Variants in SPECC1L observed in about 807,000 individuals in gnomAD.
SPECC1L encodes cytospin-A.
In SPECC1L, 40 loss-of-function variants were observed where a neutral mutation model predicts 116.8. The ratio of observed to expected loss-of-function variants is 0.34; its 90% CI spans 0.27 to 0.45. The LOEUF (loss-of-function observed/expected upper bound fraction) is 0.45. Ranked by LOEUF, SPECC1L falls within the 20% of genes least tolerant of loss-of-function variation. The pLI, the probability that SPECC1L is intolerant of heterozygous loss-of-function variation, is 1.00. For synonymous variants in SPECC1L, 504 were observed against 500.6 expected, an observed-to-expected ratio of 1.01 and a Z score of -0.09; for missense variants, 1,110 against 1,373.6, an observed-to-expected ratio of 0.81 and a Z score of 3.03.
At chr22:24,373,349 G>T (rs1357477809) in intron 14 of SPECC1L, among the ~76,000 whole-genome samples, 1 of 152,164 alleles carries the variant, frequency 6.6e-6, no homozygotes. Flanking sequence ...AAAGCTGGAG[G>T]CATCACACTA....
At chr22:24,407,084 C>T (rs1049507210) in intron 14 of SPECC1L, among the ~76,000 whole-genome samples, 2 of 152,192 alleles carry the variant, frequency 1.3e-5, no homozygotes, top group African/African-American at 4.8e-5. Flanking sequence ...CTGCCTCCAG[C>T]TTATCACATA....
intron 3 of SPECC1L, among the ~76,000 whole-genome samples, chr22:24,309,044 C>T (rs1380157213): frequency 6.6e-6 from 1 of 152,140 alleles, no homozygotes; most frequent in African/African-American, 2.4e-5. Context: ...GCCCTAGAAT[C>T]AGCCATTTCT....
At chr22:24,324,792 A>C (rs1264800920) in intron 6 of SPECC1L, among the ~76,000 whole-genome samples, 1 of 152,216 alleles carries the variant, frequency 6.6e-6, no homozygotes, top group Non-Finnish European at 1.5e-5. Context: ...CGGAGGCTGC[A>C]GTGAGCTGAG....
Position 24,391,075 on chromosome 22 carries a change from C to T in SPECC1L, c.3088-20513C>T, listed in dbSNP as rs192013953. 4.0e-5 allele frequency among the ~76,000 whole-genome samples: 6 copies of T among 151,820 alleles called. No homozygotes were observed. The East Asian group carries it at 1.2e-3, about 29-fold the overall frequency. On this transcript the variant is annotated intron_variant, in intron 14 of 16. Coordinates refer to ENST00000314328, the MANE Select transcript of SPECC1L (RefSeq NM_015330.6). Reference sequence around the variant, plus strand: ...TATTTTTAGTAGAGACGGGGTTTCACCCTGTTAGCAAGGATGGTCTCAATC... The same window carrying T: ...TATTTTTAGTAGAGACGGGGTTTCATCCTGTTAGCAAGGATGGTCTCAATC...
chr22:24,396,955 C>T (rs1601344877), intron 14 of SPECC1L, among the ~76,000 whole-genome samples: 1 of 152,232 alleles, frequency 6.6e-6, no homozygotes, highest in African/African-American at 2.4e-5. Context: ...AACACCAGCT[C>T]TTCTCTGGGG....
chr22:24,414,940 A>C lies in SPECC1L; in HGVS notation c.*317A>C. On this transcript the variant is annotated 3_prime_UTR_variant, in exon 17 of 17. Coordinates refer to ENST00000314328, the MANE Select transcript of SPECC1L (RefSeq NM_015330.6). ...ACTAGTGCTCCAGGGCACCAAACAA[A>C]AAGGGCTCATGCACAGCTGAATTTG... 2.6e-6 allele frequency: 1 copy of C among 382,140 alleles called. No individual in the cohort carries two copies. The highest frequency in any genetic ancestry group is 5.0e-6 in the Non-Finnish European group (1 of 200,292). 23.7% of individuals were successfully genotyped at this position (382,140 alleles called of 1,614,324 possible). A position where few individuals can be genotyped will look rare whatever the true frequency, so the allele number is the denominator to read the frequency against.
rs561137943 is a variant in SPECC1L, at chr22:24,376,216, G to A, written c.3087+6896G>A. ...ATGTCTAGATTTTTTTAAGAGATAG[G>A]GTCTCACTATGTTGCCCAGTCTAGG... is the stretch of plus-strand genomic sequence containing the variant. On this transcript the variant is annotated intron_variant, in intron 14 of 16. Coordinates refer to ENST00000314328, the MANE Select transcript of SPECC1L (RefSeq NM_015330.6). Among the ~76,000 whole-genome samples, 8 of 152,202 alleles carry A rather than the reference G, an allele frequency of 5.3e-5. No individual in the cohort carries two copies. In the South Asian group the frequency reaches 1.7e-3, roughly 32 times the overall value.
chr22:24,349,313 A>C (rs922134804), intron 11 of SPECC1L, among the ~76,000 whole-genome samples: 1 of 152,154 alleles, frequency 6.6e-6, no homozygotes, highest in African/African-American at 2.4e-5. Context: ...AAGTGCTGGG[A>C]TTACAGGCAT....
chr22:24,380,432 G>A (rs1438681276), intron 14 of SPECC1L, among the ~76,000 whole-genome samples: 1 of 152,116 alleles, frequency 6.6e-6, no homozygotes, highest in Non-Finnish European at 1.5e-5. Context: ...GCTCCCAGAG[G>A]CCCCAGATGG....
In SPECC1L at chr22:24,415,153, C is replaced by T. The variant is rs920612395; in HGVS notation, c.*530C>T. On this transcript the variant is annotated 3_prime_UTR_variant, in exon 17 of 17. Coordinates refer to ENST00000314328, the MANE Select transcript of SPECC1L (RefSeq NM_015330.6). ...TTTGGAGGAGCATGTTCACCACAGA[C>T]GTGGGTCAGCTGCCCCACACCTGAC... is the stretch of plus-strand genomic sequence containing the variant. The T allele has an allele frequency of 2.7e-5, 5 of 185,002 alleles. No individual in the cohort carries two copies. The highest frequency in any genetic ancestry group is 4.6e-5 in the Non-Finnish European group (4 of 86,056). The allele number at this position is 185,002 out of a possible 1,614,324, so 11.5% of individuals were successfully genotyped here.
At chr22:24,359,302 C>T (rs1218143768) in intron 11 of SPECC1L, among the ~76,000 whole-genome samples, 1 of 152,198 alleles carries the variant, frequency 6.6e-6, no homozygotes, top group Non-Finnish European at 1.5e-5. Context: ...CCCACGCCAT[C>T]ACCTGTGTGC....
At chr22:24,394,204 A>G (rs578260862) in intron 14 of SPECC1L, among the ~76,000 whole-genome samples, 12 of 152,366 alleles carry the variant, frequency 7.9e-5, no homozygotes, top group African/African-American at 2.6e-4. Context: ...ACAAAGTACC[A>G]TAGCCTGGGT....
chr22:24,386,159 G>A (rs1196661971), intron 14 of SPECC1L, among the ~76,000 whole-genome samples: 1 of 151,050 alleles, frequency 6.6e-6, no homozygotes, highest in Non-Finnish European at 1.5e-5. Context: ...AACAAACTGG[G>A]AATAAAGGGA....
chr22:24,412,140 A>T (rs1043246042), intron 15 of SPECC1L: 5 of 348,172 alleles, frequency 1.4e-5, no homozygotes, highest in South Asian at 7.3e-5. Context: ...AACCCTGTGC[A>T]CTCCAGGGCA....
chr22:24,326,216 C>G (rs1031682609), intron 6 of SPECC1L, among the ~76,000 whole-genome samples: 1 of 152,150 alleles, frequency 6.6e-6, no homozygotes, highest in South Asian at 2.1e-4. Flanking sequence ...CAGGCCTGTG[C>G]CACCACGCCT....
intron 13 of SPECC1L, among the ~76,000 whole-genome samples, chr22:24,367,645 A>G (rs527840486): frequency 5.9e-5 from 9 of 152,190 alleles, no homozygotes; most frequent in South Asian, 2.1e-4. Flanking sequence ...GAAAAGTAGT[A>G]TTTTTCCTTT....
At chr22:24,392,630 A>G (rs2042293485) in intron 14 of SPECC1L, among the ~76,000 whole-genome samples, 1 of 152,216 alleles carries the variant, frequency 6.6e-6, no homozygotes, top group African/African-American at 2.4e-5. Context: ...CCATTAGACA[A>G]CATAGGGCGG....
At chr22:24,374,895 G>GA (rs920877261) in intron 14 of SPECC1L, among the ~76,000 whole-genome samples, 58 of 148,216 alleles carry the variant, frequency 3.9e-4, no homozygotes, top group Non-Finnish European at 5.7e-4. Flanking sequence ...GAAGATCAAT[G>GA]AAAAAAAAAT....
At chr22:24,359,602 C>T (rs148423623) in intron 11 of SPECC1L, among the ~76,000 whole-genome samples, 34 of 152,140 alleles carry the variant, frequency 2.2e-4, no homozygotes, top group African/African-American at 7.5e-4. Flanking sequence ...AAAGTCCAAA[C>T]GCCTTACCCT....
Sources: allele counts gnomAD v4.1 joint callset (sites outside exome capture counted in the v4.1 genomes callset), GRCh38; gene constraint gnomAD v4.1.1; transcripts MANE v1.5; gene names NCBI Gene and HGNC (gene_info 2026-07-23, HGNC 2026-07-21).